Variants in NEGR1 observed in about 807,000 individuals in gnomAD.
NEGR1 encodes the protein neuronal growth regulator 1, also known as IgLON family member 4.
In NEGR1, 10 loss-of-function variants were observed where a neutral mutation model predicts 40.9. The observed-to-expected ratio is 0.24, with a 90% CI of 0.15 to 0.42. The LOEUF (loss-of-function observed/expected upper bound fraction) is 0.42, where lower values mean the gene tolerates loss of function less well. Ranked by LOEUF, NEGR1 falls within the 10% of genes least tolerant of loss-of-function variation. The pLI, the probability that NEGR1 is intolerant of heterozygous loss-of-function variation, is 1.00. For synonymous variants in NEGR1, 185 were observed against 166.8 expected, an observed-to-expected ratio of 1.11 and a Z score of -0.84; for missense variants, 352 against 438.9, an observed-to-expected ratio of 0.80 and a Z score of 1.77.
chr1:71,854,505 T>C (rs1370417787), intron 2 of NEGR1, among the ~76,000 whole-genome samples: 1 of 152,128 alleles, frequency 6.6e-6, no homozygotes, highest in Non-Finnish European at 1.5e-5. Context: ...GTAAATCAAT[T>C]GGTCAGTCAA....
At chr1:71,867,850 T>C (rs566664954) in intron 2 of NEGR1, among the ~76,000 whole-genome samples, 7 of 152,198 alleles carry the variant, frequency 4.6e-5, no homozygotes, top group Non-Finnish European at 1.0e-4. Context: ...AAGATTATGT[T>C]CCCTTTTCTC....
chr1:71,651,404 C>A (rs1030450871), intron 4 of NEGR1, among the ~76,000 whole-genome samples: 2 of 152,040 alleles, frequency 1.3e-5, no homozygotes, highest in African/African-American at 4.8e-5. Flanking sequence ...ATGATGATAT[C>A]CAGCACACGG....
At chr1:71,748,693 T>C (rs1395992296) in intron 3 of NEGR1, among the ~76,000 whole-genome samples, 1 of 152,142 alleles carries the variant, frequency 6.6e-6, no homozygotes, top group Non-Finnish European at 1.5e-5. Flanking sequence ...ATTATAATTA[T>C]TGGAAAAAAT....
At chr1:72,275,035 T>G in intron 1 of NEGR1, 1 of 1,511,762 alleles carries the variant, frequency 6.6e-7, no homozygotes, top group Non-Finnish European at 9.2e-7. Context: ...CAGACCAGCT[T>G]TGGAGCTCTT....
At chr1:71,803,543 G>C (rs1393809033) in intron 2 of NEGR1, among the ~76,000 whole-genome samples, 1 of 151,962 alleles carries the variant, frequency 6.6e-6, no homozygotes, top group Non-Finnish European at 1.5e-5. Flanking sequence ...TTGGTTCCTT[G>C]CTCTCTGACA....
intron 1 of NEGR1, among the ~76,000 whole-genome samples, chr1:72,085,117 C>A (rs1648162813): frequency 6.6e-6 from 1 of 152,142 alleles, no homozygotes; most frequent in Admixed American, 6.5e-5. Flanking sequence ...CAAGTGATTA[C>A]ACCAGATTAT....
chr1:71,440,299 T>C (rs566853993), intron 6 of NEGR1, among the ~76,000 whole-genome samples: 1 of 152,328 alleles, frequency 6.6e-6, no homozygotes, highest in South Asian at 2.1e-4. Context: ...CTCATGAGCA[T>C]TGATTCAATT....
At chr1:71,644,147 T>A (rs945396275) in intron 4 of NEGR1, among the ~76,000 whole-genome samples, 3 of 151,932 alleles carry the variant, frequency 2.0e-5, no homozygotes, top group African/African-American at 7.2e-5. Context: ...TCTTTGGCCT[T>A]TGTGATCCCC....
intron 6 of NEGR1, among the ~76,000 whole-genome samples, chr1:71,572,815 G>T (rs1025548311): frequency 6.6e-6 from 1 of 152,066 alleles, no homozygotes; most frequent in Non-Finnish European, 1.5e-5. Flanking sequence ...ATAGCACCTC[G>T]GCTTCTGCTT....
intron 1 of NEGR1, among the ~76,000 whole-genome samples, chr1:71,940,263 C>A (rs964714247): frequency 6.6e-6 from 1 of 152,100 alleles, no homozygotes; most frequent in African/African-American, 2.4e-5. Context: ...TAAATATATC[C>A]TTTAATCGAG....
chr1:71,815,799 C>A (rs1658183371), intron 2 of NEGR1, among the ~76,000 whole-genome samples: 1 of 152,016 alleles, frequency 6.6e-6, no homozygotes, highest in Admixed American at 6.6e-5. Context: ...TTGGTAAAAT[C>A]CATCACGAAC....
At chr1:71,593,172 C>T (rs1048076429) in intron 5 of NEGR1, among the ~76,000 whole-genome samples, 2 of 152,110 alleles carry the variant, frequency 1.3e-5, no homozygotes, top group African/African-American at 4.8e-5. Flanking sequence ...TAGATTGTTC[C>T]TGTGGGATTA....
intron 2 of NEGR1, among the ~76,000 whole-genome samples, chr1:71,920,043 G>T (rs561372282): frequency 6.6e-6 from 1 of 152,234 alleles, no homozygotes; most frequent in Admixed American, 6.5e-5. Flanking sequence ...CAGCAGTTGA[G>T]CTCAGCAATT....
intron 1 of NEGR1, among the ~76,000 whole-genome samples, chr1:72,203,476 G>C (rs879262741): frequency 6.6e-6 from 1 of 152,124 alleles, no homozygotes; most frequent in African/African-American, 2.4e-5. Context: ...TGAATGATAA[G>C]TTGCTTCTTA....
At chr1:72,240,192 T>G (rs1235626588) in intron 1 of NEGR1, among the ~76,000 whole-genome samples, 1 of 151,754 alleles carries the variant, frequency 6.6e-6, no homozygotes, top group Admixed American at 6.6e-5. Context: ...AATCAGCAGT[T>G]TACAGATAAA....
At chr1:71,975,075 G>A (rs987672962) in intron 1 of NEGR1, among the ~76,000 whole-genome samples, 1 of 152,156 alleles carries the variant, frequency 6.6e-6, no homozygotes, top group African/African-American at 2.4e-5. Context: ...TGTTATTCCA[G>A]AAAGAACTGT....
At chr1:71,932,431 A>T (rs938356426) in intron 2 of NEGR1, among the ~76,000 whole-genome samples, 4 of 152,036 alleles carry the variant, frequency 2.6e-5, no homozygotes, top group African/African-American at 9.7e-5. Flanking sequence ...TATGCAGGAC[A>T]ATTCCAGATT....
At chr1:72,242,795 T>C (rs1654788368) in intron 1 of NEGR1, among the ~76,000 whole-genome samples, 1 of 151,678 alleles carries the variant, frequency 6.6e-6, no homozygotes, top group African/African-American at 2.4e-5. Context: ...CTTAATCATA[T>C]TATGCAAAGT....
At chr1:71,803,480 T>G (rs1657636441) in intron 2 of NEGR1, among the ~76,000 whole-genome samples, 1 of 152,168 alleles carries the variant, frequency 6.6e-6, no homozygotes, top group South Asian at 2.1e-4. Context: ...CCTTCCTCTC[T>G]ACATCCTGTT....
Sources: allele counts gnomAD v4.1 joint callset (sites outside exome capture counted in the v4.1 genomes callset), GRCh38; gene constraint gnomAD v4.1.1; transcripts MANE v1.5; gene names NCBI Gene and HGNC (gene_info 2026-07-23, HGNC 2026-07-21).